The following ARHGEF6 variants were observed in gnomAD, a reference collection of about 807,000 sequenced individuals.
ARHGEF6 encodes Rac/Cdc42 guanine nucleotide exchange factor 6.
ARHGEF6 carries 9 observed loss-of-function variants against 70.3 expected under a neutral mutation model. That is an observed-to-expected ratio of 0.13 (90% CI 0.08 to 0.22). The LOEUF (loss-of-function observed/expected upper bound fraction) is 0.22. Ranked by LOEUF, ARHGEF6 falls within the 10% of genes least tolerant of loss-of-function variation. The pLI, the probability that ARHGEF6 is intolerant of heterozygous loss-of-function variation, is 1.00. For missense variants in ARHGEF6, 470 were observed against 563.0 expected (o/e 0.83, Z 1.67); for synonymous variants, 201 against 207.8 (o/e 0.97, Z 0.28).
intron 7 of ARHGEF6, among the ~76,000 whole-genome samples, chrX:136,709,598 A>G (rs1253021647): frequency 8.8e-6 from 1 of 113,166 alleles, no homozygotes; most frequent in African/African-American, 3.2e-5. Flanking sequence ...AAATTGAACC[A>G]AAACATTCTA....
intron 11 of ARHGEF6, among the ~76,000 whole-genome samples, chrX:136,686,588 GTGTGTGTATA>G (rs1239382602): frequency 3.4e-5 from 2 of 58,448 alleles, no homozygotes; most frequent in African/African-American, 1.0e-4. Flanking sequence ...GTGTGTGTAT[GTGTGTGTATA>G]TATATATATA....
Position 136,754,594 on chromosome X carries a change from AAAC to A in ARHGEF6, c.250-7005_250-7003del, listed in dbSNP as rs201797206. Among the ~76,000 whole-genome samples the A allele has an allele frequency of 6.0e-3, 615 of 101,658 alleles. 22 individuals are homozygous for A. The highest frequency in any genetic ancestry group is 0.016 in the African/African-American group (450 of 27,381). 88.3% of individuals were successfully genotyped at this position (101,658 alleles called of 115,157 possible). A position where few individuals can be genotyped will look rare whatever the true frequency, so the allele number is the denominator to read the frequency against. On this transcript the variant is annotated intron_variant, in intron 2 of 21. Transcript: ENST00000250617. ...CGAAACCCCGCCTCAAAAAAAAAAA[AAAC>A]AACGAAAGAAAAGAAAAGAAAAAGA...
chrX:136,745,321 G>A lies in ARHGEF6; in HGVS notation c.361C>T (p.Arg121Cys), dbSNP rs760535411. The A allele has an allele frequency of 2.5e-6, 3 of 1,211,148 alleles. No homozygotes were observed. Among genetic ancestry groups the A allele is most frequent in the African/African-American group, 1.7e-5 (1 of 57,743 alleles). The change falls in exon 4 of 22, where the codon CGT (arginine) becomes TGT (cysteine). Residue 121 changes from arginine (R) to cysteine (C), a missense_variant. Arg to Cys is a radical substitution (Grantham distance 180). Coordinates refer to ENST00000250617, the MANE Select transcript of ARHGEF6 (RefSeq NM_004840.3). The part of the protein sequence containing the change: ...EDQLSERPCG[R>C]SSSLSAANTS... The stretch of plus-strand genomic sequence containing the variant: ...TTAGCAGCACTAAGAGAAGAGGAAC[G>A]TCCACATGGTCTTTCTGATAGCTGA...
At chrX:136,689,198 A>G (rs1422480735) in intron 10 of ARHGEF6, among the ~76,000 whole-genome samples, 1 of 112,359 alleles carries the variant, frequency 8.9e-6, no homozygotes, top group Non-Finnish European at 1.9e-5. Context: ...GCCATGCCAA[A>G]TGCTCTGAAA....
chrX:136,676,179 C>G (rs1044300761), intron 18 of ARHGEF6, among the ~76,000 whole-genome samples: 2 of 112,187 alleles, frequency 1.8e-5, no homozygotes, highest in Non-Finnish European at 3.8e-5. Flanking sequence ...CCAAATGAAA[C>G]TATGTTTCTA....
intron 5 of ARHGEF6, among the ~76,000 whole-genome samples, chrX:136,736,291 T>C (rs972260226): frequency 8.9e-6 from 1 of 112,253 alleles, no homozygotes; most frequent in Non-Finnish European, 1.9e-5. Flanking sequence ...GAAAATTGTA[T>C]AAGTGGCTAA....
chrX:136,712,023 T>A (rs1039247394), intron 7 of ARHGEF6, among the ~76,000 whole-genome samples: 11 of 112,724 alleles, frequency 9.8e-5, no homozygotes, highest in Non-Finnish European at 1.9e-4. Context: ...ACTAAACAAG[T>A]ATAATTTGGA....
intron 6 of ARHGEF6, among the ~76,000 whole-genome samples, chrX:136,721,556 C>T (rs1351179756): frequency 1.8e-5 from 2 of 111,397 alleles, no homozygotes; most frequent in Non-Finnish European, 3.8e-5. Flanking sequence ...GAGCAAGACC[C>T]TGTCTCAAAA....
chrX:136,672,501 T>C (rs2076235243), intron 19 of ARHGEF6, among the ~76,000 whole-genome samples: 1 of 111,932 alleles, frequency 8.9e-6, no homozygotes, highest in South Asian at 3.8e-4. Flanking sequence ...CACTACATCC[T>C]ATGCTACAGT....
chrX:136,686,402 C>A (rs962321849), intron 11 of ARHGEF6, among the ~76,000 whole-genome samples: 13 of 107,688 alleles, frequency 1.2e-4, no homozygotes, highest in Non-Finnish European at 3.8e-5. Context: ...CACTGCTGTA[C>A]TTTGTTTAAG....
At chrX:136,745,114 T>C (rs1267433720) in intron 4 of ARHGEF6, 109 bp downstream of exon 4, 3 of 1,027,664 alleles carry the variant, frequency 2.9e-6, no homozygotes, top group East Asian at 3.1e-5. Flanking sequence ...TTCTCAGTGA[T>C]GCCCAAAACA....
chrX:136,724,149 G>C (rs867658917), intron 6 of ARHGEF6, among the ~76,000 whole-genome samples: 1 of 105,745 alleles, frequency 9.5e-6, no homozygotes, highest in Non-Finnish European at 1.9e-5. Context: ...GCACAATCTC[G>C]GCTCAATGCA....
intron 18 of ARHGEF6, 45 bp downstream of exon 18, chrX:136,676,579 G>T (rs1416966095): frequency 9.7e-7 from 1 of 1,032,349 alleles, no homozygotes. Context: ...AGATTCTCAT[G>T]TTAATTTATC....
intron 11 of ARHGEF6, among the ~76,000 whole-genome samples, chrX:136,686,352 C>A (rs887714110): frequency 9.2e-6 from 1 of 109,202 alleles, no homozygotes; most frequent in African/African-American, 3.3e-5. Flanking sequence ...AAATTAAATT[C>A]TTTATGCCAC....
rs563870595 is a variant in ARHGEF6, at chrX:136,749,019, A to G, written c.250-1427T>C. ...TAATCAATGAATATTTTGCATTCAA[A>G]GTTAAAATGACCAAAAAGCCCAGAT... On this transcript the variant is annotated intron_variant, in intron 2 of 21. Coordinates refer to ENST00000250617, the MANE Select transcript of ARHGEF6 (RefSeq NM_004840.3). Among the ~76,000 whole-genome samples, 21 of 112,253 alleles carry G rather than the reference A, an allele frequency of 1.9e-4. No homozygotes were observed. The South Asian group carries it at 7.7e-3, about 41-fold the overall frequency.
intron 2 of ARHGEF6, among the ~76,000 whole-genome samples, chrX:136,752,735 G>A (rs773368507): frequency 5.4e-5 from 6 of 112,039 alleles, no homozygotes; most frequent in African/African-American, 1.9e-4. Context: ...TGATACATTG[G>A]GACCACAAGG....
intron 6 of ARHGEF6, among the ~76,000 whole-genome samples, chrX:136,720,461 C>T (rs760296104): frequency 9.4e-6 from 1 of 106,337 alleles, no homozygotes; most frequent in South Asian, 4.1e-4. Flanking sequence ...TTTTAATTCT[C>T]AGAAAACTAG....
At chrX:136,762,102 TG>T (rs1419829149) in intron 2 of ARHGEF6, among the ~76,000 whole-genome samples, 1 of 111,486 alleles carries the variant, frequency 9.0e-6, no homozygotes, top group African/African-American at 3.3e-5. Context: ...TTTGTGGAGA[TG>T]GGGTTTCACC....
At chrX:136,683,912 T>C (rs2076358660) in intron 12 of ARHGEF6, among the ~76,000 whole-genome samples, 1 of 111,789 alleles carries the variant, frequency 8.9e-6, no homozygotes, top group African/African-American at 3.3e-5. Context: ...TTACTAGCTG[T>C]TCCTCTTTTT....
Sources: gnomAD v4.1 joint callset for allele counts (sites outside exome capture counted in the v4.1 genomes callset) on GRCh38, gnomAD v4.1.1 for gene constraint, MANE v1.5 for transcripts, NCBI Gene and HGNC (gene_info 2026-07-23, HGNC 2026-07-21) for gene names.